ARMCX4: variants seen among roughly 807,000 people sequenced by gnomAD.
ARMCX4 encodes the protein armadillo repeat containing X-linked 4.
In ARMCX4, 3 loss-of-function variants were observed where a neutral mutation model predicts 34.7. That is an observed-to-expected ratio of 0.09 (90% CI 0.04 to 0.22). ARMCX4 has a LOEUF of 0.22. Ranked by LOEUF, ARMCX4 falls within the 10% of genes least tolerant of loss-of-function variation. The pLI, the probability that ARMCX4 is intolerant of heterozygous loss-of-function variation, is 1.00. For synonymous variants in ARMCX4, 513 were observed against 632.8 expected, an observed-to-expected ratio of 0.81 and a Z score of 2.84; for missense variants, 1,448 against 1,720.8, an observed-to-expected ratio of 0.84 and a Z score of 2.81.
chrX:101,496,327 G>C (rs1263507721), downstream of ARMCX4, among the ~76,000 whole-genome samples: 12 of 110,300 alleles, frequency 1.1e-4, no homozygotes, highest in African/African-American at 3.6e-4. Context: ...GTCCAAGCTG[G>C]GGCGGGGATA....
intron 7 of ARMCX4, among the ~76,000 whole-genome samples, chrX:101,504,252 A>G (rs1934386371): frequency 9.0e-6 from 1 of 111,367 alleles, no homozygotes; most frequent in African/African-American, 3.3e-5. Flanking sequence ...TTGGCTTAGG[A>G]TTGACTTGGC....
intron 4 of ARMCX4, among the ~76,000 whole-genome samples, chrX:101,468,782 T>G (rs186261173): frequency 1.8e-3 from 198 of 110,737 alleles, no homozygotes; most frequent in African/African-American, 6.4e-3. Context: ...CCTGGCTAAT[T>G]TTTTGTATTT....
chrX:101,438,953 G>A (rs1295135023), intron 2 of ARMCX4, among the ~76,000 whole-genome samples: 1 of 111,986 alleles, frequency 8.9e-6, no homozygotes, highest in Non-Finnish European at 1.9e-5. Context: ...TTTAATTGGA[G>A]CATTTAGCCC....
intron 2 of ARMCX4, among the ~76,000 whole-genome samples, chrX:101,429,276 A>C (rs1340587399): frequency 9.3e-6 from 1 of 107,414 alleles, no homozygotes; most frequent in Non-Finnish European, 1.9e-5. Flanking sequence ...ATCTTCTATG[A>C]TCCTCAGTTT....
rs1475242427 is a variant in ARMCX4, at chrX:101,474,468, C to A, written c.-472-11555C>A. ...TCCCTAACTCATTTTATGAGGCCAG[C>A]ATCATTCTGATACCAAAGCCTGGCA... On this transcript the variant is annotated intron_variant and NMD_transcript_variant, in intron 4 of 15. Coordinates refer to the ARMCX4 transcript ENST00000433011. 4.7e-5 allele frequency among the ~76,000 whole-genome samples: 5 copies of A among 105,530 alleles called. No individual in the cohort carries two copies. The East Asian group carries it at 1.5e-3, about 32-fold the overall frequency. The allele number at this position is 105,530 out of a possible 115,157, so 91.6% of individuals were successfully genotyped here.
At chrX:101,535,852 A>G (rs1556023374), downstream of ARMCX4, among the ~76,000 whole-genome samples, 1 of 111,758 alleles carries the variant, frequency 8.9e-6, no homozygotes, top group South Asian at 3.7e-4. Context: ...GAAGGATGCT[A>G]TATTTGGCAC....
intron 4 of ARMCX4, among the ~76,000 whole-genome samples, chrX:101,474,424 A>G (rs1359919254): frequency 6.4e-5 from 7 of 109,349 alleles, no homozygotes; most frequent in Non-Finnish European, 1.1e-4. Context: ...ATTTCAATCA[A>G]TAGAAAAAGA....
chrX:101,499,211 A>G (rs1934243874), downstream of ARMCX4: 1 of 111,653 alleles, frequency 9.0e-6, no homozygotes, highest in African/African-American at 3.3e-5. Flanking sequence ...AGAATACAGG[A>G]TTTAATACCC....
intron 11 of ARMCX4, among the ~76,000 whole-genome samples, chrX:101,523,915 G>T: frequency 9.1e-6 from 1 of 110,302 alleles, no homozygotes. Flanking sequence ...GATCTTCACT[G>T]TTTTAAAAAA....
At chrX:101,453,248 T>G (rs1555999460) in intron 4 of ARMCX4, among the ~76,000 whole-genome samples, 1 of 112,079 alleles carries the variant, frequency 8.9e-6, no homozygotes, top group Admixed American at 9.5e-5. Flanking sequence ...TGAATATAAA[T>G]CTTTACCATA....
downstream of ARMCX4, among the ~76,000 whole-genome samples, chrX:101,534,055 G>GA (rs1293675246): frequency 9.0e-6 from 1 of 110,667 alleles, no homozygotes; most frequent in African/African-American, 3.3e-5. Flanking sequence ...TGTAAAATAA[G>GA]AAAAAAAATC....
upstream of ARMCX4, among the ~76,000 whole-genome samples, chrX:101,480,722 A>G (rs782644242): frequency 8.9e-6 from 1 of 112,383 alleles, no homozygotes; most frequent in African/African-American, 3.2e-5. Flanking sequence ...CTGAATAGGA[A>G]AATACTCAAA....
At chrX:101,461,455 C>T (rs1249973799) in intron 4 of ARMCX4, among the ~76,000 whole-genome samples, 1 of 112,235 alleles carries the variant, frequency 8.9e-6, no homozygotes, top group Non-Finnish European at 1.9e-5. Context: ...TTTATCCATT[C>T]ATCCATTCGT....
At chrX:101,467,370 C>T (rs916977625) in intron 4 of ARMCX4, among the ~76,000 whole-genome samples, 1 of 111,764 alleles carries the variant, frequency 8.9e-6, no homozygotes, top group Non-Finnish European at 1.9e-5. Context: ...AGGATGGTCT[C>T]AAACTCCTGG....
At chrX:101,480,292 T>A (rs781802959) in intron 4 of ARMCX4, among the ~76,000 whole-genome samples, 1 of 110,820 alleles carries the variant, frequency 9.0e-6, no homozygotes, top group Non-Finnish European at 1.9e-5. Flanking sequence ...GCTGGGATTA[T>A]AGCCCTGGCT....
intron 2 of ARMCX4, among the ~76,000 whole-genome samples, chrX:101,429,901 G>A (rs1929886653): frequency 9.0e-6 from 1 of 111,608 alleles, no homozygotes; most frequent in African/African-American, 3.3e-5. Context: ...TACCATATAA[G>A]AATGGAGAAG....
chrX:101,491,707 A>T lies in ARMCX4; in HGVS notation c.3118A>T (p.Thr1040Ser). Residue 1040 changes from threonine (T) to serine (S), a missense_variant, in exon 6 of 6, where the codon ACC becomes TCC. This residue lies in a region of ARMCX4 where 1,343 missense variants were observed against 1,540.7 expected (regional missense o/e 0.87). Transcript: ENST00000423738. ...GATTGTGGCCGGTTCCCAGGGTGAG[A>T]CCTTGCCTGGGGCAAGGGACAAGTC... is the stretch of plus-strand genomic sequence containing the variant. ...PQIVAGSQGETLPGARDKSMS... is the reference protein window; with the variant it reads ...PQIVAGSQGESLPGARDKSMS... 1.7e-6 allele frequency: 2 copies of T among 1,154,528 alleles called. No homozygotes were observed. Among genetic ancestry groups the T allele is most frequent in the Non-Finnish European group, 2.3e-6 (2 of 872,104 alleles).
Position 101,495,426 on chromosome X carries a change from G to T in ARMCX4, c.6837G>T (p.Val2279=). The T allele has an allele frequency of 8.9e-7, 1 of 1,118,683 alleles. No homozygotes were observed. The highest frequency in any genetic ancestry group is 1.2e-6 in the Non-Finnish European group (1 of 855,169). 92.2% of individuals were successfully genotyped at this position (1,118,683 alleles called of 1,213,427 possible). ...CAGCAGAATGCAATGACCCTGAGGT[G>T]AAAGAGAGAGTTGAGCTATTAATAA... is the stretch of plus-strand genomic sequence containing the variant. ...ALAAECNDPE[V]KERVELLISK... is the part of the protein sequence containing the mutation. Residue 2279 remains valine (V), a synonymous_variant, in exon 6 of 6, where the codon GTG becomes GTT. Transcript: ENST00000423738.
chrX:101,449,437 C>T (rs1186306765), downstream of ARMCX4, among the ~76,000 whole-genome samples: 4 of 111,746 alleles, frequency 3.6e-5, no homozygotes, highest in African/African-American at 9.7e-5. Flanking sequence ...TTTTCAAATA[C>T]CCTGTCTTCA....
Sources: allele counts gnomAD v4.1 joint callset (sites outside exome capture counted in the v4.1 genomes callset), GRCh38; gene constraint gnomAD v4.1.1; regional missense constraint gnomAD v4.1.1; transcripts MANE v1.5; gene names NCBI Gene and HGNC (gene_info 2026-07-23, HGNC 2026-07-21).